KLHL29: variants seen among roughly 807,000 people sequenced by gnomAD.
KLHL29 encodes kelch-like protein 29.
KLHL29 carries 21 observed loss-of-function variants against 80.4 expected under a neutral mutation model. That is an observed-to-expected ratio of 0.26 (90% CI 0.19 to 0.38). The LOEUF (loss-of-function observed/expected upper bound fraction) is 0.38, where lower values mean the gene tolerates loss of function less well. Among genes scored for constraint, KLHL29 ranks in the 10% least tolerant of loss-of-function variants. KLHL29 has a pLI of 1.00. For synonymous variants in KLHL29, 511 were observed against 526.8 expected (o/e 0.97, Z 0.41); for missense variants, 867 against 1,223.9 (o/e 0.71, Z 4.35).
At chr2:23,677,889 A>G (rs1670967563) in intron 5 of KLHL29, among the ~76,000 whole-genome samples, 1 of 152,198 alleles carries the variant, frequency 6.6e-6, no homozygotes. Context: ...TGTGTCATAC[A>G]TACCAATGGG....
intron 2 of KLHL29, among the ~76,000 whole-genome samples, chr2:23,549,896 C>T (rs549589504): frequency 5.2e-4 from 79 of 152,330 alleles, no homozygotes; most frequent in Admixed American, 3.5e-3. Flanking sequence ...TGCTGCCTTT[C>T]GCCACCCATC....
At chr2:23,496,151 TCCGGCTTAC>T (rs1332353213) in intron 2 of KLHL29, among the ~76,000 whole-genome samples, 1 of 152,214 alleles carries the variant, frequency 6.6e-6, no homozygotes, top group African/African-American at 2.4e-5. Flanking sequence ...CAAAGAGGAC[TCCGGCTTAC>T]CCGCTGCAGC....
chr2:23,652,358 G>C (rs1312356758), intron 5 of KLHL29, among the ~76,000 whole-genome samples: 1 of 152,254 alleles, frequency 6.6e-6, no homozygotes, highest in Non-Finnish European at 1.5e-5. Context: ...TCGCTAGACA[G>C]TTTGTCCTGT....
At chr2:23,438,918 T>C (rs183638744) in intron 1 of KLHL29, among the ~76,000 whole-genome samples, 56,541 of 136,974 alleles carry the variant, frequency 0.41, 12,682 homozygotes, top group African/African-American at 0.57. Context: ...TGGTAGAATT[T>C]GGCTGTGAAT....
At chr2:23,605,628 C>T (rs573529129) in intron 3 of KLHL29, among the ~76,000 whole-genome samples, 17 of 152,088 alleles carry the variant, frequency 1.1e-4, no homozygotes, top group Non-Finnish European at 2.4e-4. Flanking sequence ...GATTAGACTG[C>T]CCATGAAAAT....
chr2:23,508,046 C>T (rs956969403), intron 2 of KLHL29, among the ~76,000 whole-genome samples: 8 of 152,172 alleles, frequency 5.3e-5, no homozygotes, highest in Non-Finnish European at 7.3e-5. Context: ...GCTCCTCATA[C>T]GGTCCCTATT....
intron 2 of KLHL29, among the ~76,000 whole-genome samples, chr2:23,480,318 C>T (rs1664760093): frequency 6.6e-6 from 1 of 152,130 alleles, no homozygotes; most frequent in Non-Finnish European, 1.5e-5. Flanking sequence ...GAAACCCCAT[C>T]TCTACTATAA....
At chr2:23,411,659 T>TTGGGAAATGCAAGCTTGCAC (rs1666863492) in intron 1 of KLHL29, among the ~76,000 whole-genome samples, 1 of 152,110 alleles carries the variant, frequency 6.6e-6, no homozygotes, top group Non-Finnish European at 1.5e-5. Context: ...TCTTCTTGCA[T>TTGGGAAATGCAAGCTTGCAC]TGGGAAATGC....
intron 1 of KLHL29, among the ~76,000 whole-genome samples, chr2:23,438,950 T>G (rs1663428148): frequency 6.8e-6 from 1 of 146,370 alleles, no homozygotes; most frequent in African/African-American, 2.6e-5. Flanking sequence ...TGGACTCTTT[T>G]TGGTAGGTAA....
In KLHL29 at chr2:23,681,673, G is replaced by A. The variant is rs1353387278; in HGVS notation, c.941-2726G>A. On this transcript the variant is annotated intron_variant, in intron 5 of 13. Transcript: ENST00000486442. This position sits in a 1 kb window ranked among gnomAD's most constrained non-coding sequence, Gnocchi z 4.2. Reference sequence around the variant, plus strand: ...AGAGGAAACAGAGGCCCAGAAAGCTGGGGTGCTGGCCCAGGGTCACACACC... The same window carrying A: ...AGAGGAAACAGAGGCCCAGAAAGCTAGGGTGCTGGCCCAGGGTCACACACC... 6.6e-6 allele frequency among the ~76,000 whole-genome samples: 1 copy of A among 152,160 alleles called. No individual in the cohort carries two copies. The highest frequency in any genetic ancestry group is 6.5e-5 in the Admixed American group (1 of 15,282).
chr2:23,664,743 C>G (rs1670507401), intron 5 of KLHL29, among the ~76,000 whole-genome samples: 1 of 152,234 alleles, frequency 6.6e-6, no homozygotes, highest in Non-Finnish European at 1.5e-5. Context: ...TGGGTGAGGG[C>G]CAGTCCTTCA....
At chr2:23,525,738 C>CG (rs1491417790) in intron 2 of KLHL29, among the ~76,000 whole-genome samples, 5 of 27,804 alleles carry the variant, frequency 1.8e-4, no homozygotes, top group African/African-American at 4.5e-4. Context: ...CCCCCCCCCC[C>CG]ACCCGAGGCG....
chr2:23,467,876 C>T (rs1211150714), intron 1 of KLHL29, among the ~76,000 whole-genome samples: 2 of 151,962 alleles, frequency 1.3e-5, no homozygotes, highest in Admixed American at 6.6e-5. Flanking sequence ...GTTGGTTCCA[C>T]CGCCTTCTGA....
chr2:23,557,723 G>A (rs569015147), intron 2 of KLHL29, among the ~76,000 whole-genome samples: 6 of 152,216 alleles, frequency 3.9e-5, no homozygotes, highest in South Asian at 2.1e-4. Flanking sequence ...CAGAGGGGCC[G>A]GGTTGCTGGC....
intron 3 of KLHL29, among the ~76,000 whole-genome samples, chr2:23,606,154 GTA>G (rs1337340622): frequency 6.9e-6 from 1 of 144,096 alleles, no homozygotes; most frequent in African/African-American, 2.6e-5. Context: ...GTGTGTGTGT[GTA>G]TGTGTGTGTG....
chr2:23,453,652 C>T (rs1256299999), intron 1 of KLHL29, among the ~76,000 whole-genome samples: 6 of 152,136 alleles, frequency 3.9e-5, no homozygotes, highest in Non-Finnish European at 8.8e-5. Flanking sequence ...GCCCTGACTC[C>T]GGGCTAAGGC....
intron 1 of KLHL29, among the ~76,000 whole-genome samples, chr2:23,421,430 T>C (rs969863297): frequency 1.3e-5 from 2 of 152,108 alleles, no homozygotes; most frequent in African/African-American, 4.8e-5. Context: ...CCTCCTCTTT[T>C]GGGGTGGCTG....
At chr2:23,555,317 C>T (rs571706496) in intron 2 of KLHL29, among the ~76,000 whole-genome samples, 1 of 152,340 alleles carries the variant, frequency 6.6e-6, no homozygotes, top group Non-Finnish European at 1.5e-5. Flanking sequence ...CATGAGGGTT[C>T]TAGGGACAGG....
intron 2 of KLHL29, among the ~76,000 whole-genome samples, chr2:23,557,884 C>A (rs1667338607): frequency 6.6e-6 from 1 of 152,194 alleles, no homozygotes; most frequent in African/African-American, 2.4e-5. Flanking sequence ...TTAGGTAACA[C>A]ATAGACTGCC....
Sources: gnomAD v4.1 joint callset for allele counts (sites outside exome capture counted in the v4.1 genomes callset) on GRCh38, gnomAD v4.1.1 for gene constraint, Gnocchi (gnomAD v3.1) non-coding constraint, MANE v1.5 for transcripts, NCBI Gene and HGNC (gene_info 2026-07-23, HGNC 2026-07-21) for gene names.